The following BTBD16 variants were observed in gnomAD, a reference collection of about 807,000 sequenced individuals.
The protein encoded by BTBD16 is BTB/POZ domain-containing protein 16.
In BTBD16, 66 loss-of-function variants were observed where a neutral mutation model predicts 67.4. The ratio of observed to expected loss-of-function variants is 0.98; its 90% confidence interval spans 0.80 to 1.20. BTBD16 has a LOEUF of 1.20. Among genes scored for constraint, BTBD16 ranks in the 50% most tolerant of loss-of-function variants. The pLI is 0.00. For missense variants in BTBD16, 634 were observed against 616.0 expected (o/e 1.03, Z -0.31); for synonymous variants, 242 against 236.4 (o/e 1.02, Z -0.22).
chr10:122,289,848 C>G (rs1455995832), intron 5 of BTBD16, 61 bp from the exon 6 acceptor site: 1 of 1,273,794 alleles, frequency 7.9e-7, no homozygotes, highest in Non-Finnish European at 1.1e-6. Context: ...GTGGGTGCCT[C>G]CCACTGTGTC....
At chr10:122,322,145 T>G (rs2096436541) in intron 10 of BTBD16, among the ~76,000 whole-genome samples, 1 of 152,232 alleles carries the variant, frequency 6.6e-6, no homozygotes, top group Non-Finnish European at 1.5e-5. Context: ...ACCTTTTGAC[T>G]TGACACACCT....
chr10:122,297,195 C>T (rs2096384940), intron 7 of BTBD16, among the ~76,000 whole-genome samples: 1 of 152,194 alleles, frequency 6.6e-6, no homozygotes. Flanking sequence ...CCTCACTGGC[C>T]CATCAGTTTT....
chr10:122,338,017 A>G lies in BTBD16; in HGVS notation c.1453A>G (p.Thr485Ala). 2 of 1,609,974 alleles carry G rather than the reference A, an allele frequency of 1.2e-6. No individual in the cohort carries two copies. The highest frequency in any genetic ancestry group is 2.2e-5 in the East Asian group (1 of 44,832). ...CACTTTGTTTTTTTTCATGTTTTAG[A>G]CCTTGAAAATCCAAACTGTGGGCAT... ...GLTTSSCKSH[T>A]LKIQTVGIPI... Residue 485 changes from threonine to alanine, a missense_variant and splice_region_variant, in exon 16 of 16, where the codon ACC (threonine) becomes GCC (alanine). By Grantham distance (58) the Thr-to-Ala change is moderately conservative. Coordinates refer to ENST00000260723, the MANE Select transcript of BTBD16 (RefSeq NM_144587.5).
chr10:122,330,696 T>C (rs1294639928), intron 11 of BTBD16, among the ~76,000 whole-genome samples: 2 of 152,280 alleles, frequency 1.3e-5, no homozygotes, highest in Non-Finnish European at 2.9e-5. Flanking sequence ...TTTGGAAGTT[T>C]GTTTGTATAA....
intron 10 of BTBD16, among the ~76,000 whole-genome samples, chr10:122,328,042 C>T (rs926123970): frequency 1.3e-5 from 2 of 152,206 alleles, no homozygotes; most frequent in Non-Finnish European, 2.9e-5. Flanking sequence ...GGGAGGACGG[C>T]GTCAGCTTGG....
intron 3 of BTBD16, among the ~76,000 whole-genome samples, chr10:122,279,798 T>C (rs988030026): frequency 9.2e-5 from 14 of 152,276 alleles, no homozygotes; most frequent in Admixed American, 7.8e-4. Flanking sequence ...GTTCATGTCA[T>C]GGATGGTGTC....
intron 3 of BTBD16, among the ~76,000 whole-genome samples, chr10:122,278,243 AG>A (rs2096345020): frequency 6.6e-6 from 1 of 152,098 alleles, no homozygotes; most frequent in East Asian, 1.9e-4. Context: ...CAGTGGCCTG[AG>A]GGGTGGGGTG....
intron 10 of BTBD16, among the ~76,000 whole-genome samples, chr10:122,321,270 G>A (rs755449446): frequency 6.6e-6 from 1 of 152,150 alleles, no homozygotes; most frequent in Non-Finnish European, 1.5e-5. Context: ...GGACACCTAG[G>A]TTGATTCCAT....
chr10:122,279,511 AAC>A (rs143637448), intron 3 of BTBD16, among the ~76,000 whole-genome samples: 4,268 of 143,942 alleles, frequency 0.03, 204 homozygotes, highest in African/African-American at 0.1. Context: ...GAGAAAGAGA[AAC>A]ACACACACAC....
chr10:122,308,884 TG>T (rs2096408391), intron 10 of BTBD16, among the ~76,000 whole-genome samples: 1 of 152,144 alleles, frequency 6.6e-6, no homozygotes, highest in Non-Finnish European at 1.5e-5. Context: ...CTCCTTCACC[TG>T]GGGGTCTGCT....
At chr10:122,330,916 C>T (rs775533798) in intron 11 of BTBD16, among the ~76,000 whole-genome samples, 17 of 152,204 alleles carry the variant, frequency 1.1e-4, no homozygotes, top group Non-Finnish European at 1.8e-4. Context: ...GGTGGGGTTT[C>T]GCCATGTTGG....
intron 7 of BTBD16, chr10:122,294,168 G>A (rs1256352462): frequency 2.0e-6 from 2 of 985,338 alleles, no homozygotes; most frequent in African/African-American, 1.7e-5. Context: ...GTTGGGCTGG[G>A]TCTTGCCTGC....
intron 1 of BTBD16, among the ~76,000 whole-genome samples, chr10:122,273,221 GATATATATATATATAT>G (rs71715395): frequency 1.5e-5 from 2 of 129,470 alleles, no homozygotes; most frequent in African/African-American, 5.7e-5. Flanking sequence ...GCAACACAAA[GATATATATATATATAT>G]ATATATATAC....
intron 9 of BTBD16, among the ~76,000 whole-genome samples, chr10:122,304,838 C>T (rs995258700): frequency 1.3e-5 from 2 of 152,178 alleles, no homozygotes; most frequent in African/African-American, 4.8e-5. Flanking sequence ...CAGGTGTGAG[C>T]CACTGCGCCT....
rs775660683 is a variant in BTBD16 at position 122,283,963 on chromosome 10, C to G, written c.241+39C>G. ...ATCCATGGATTAAGCCAGAATGTTG[C>G]TGATTTCAGGGGCATCTTGTGGTCT... On this transcript the variant is annotated intron_variant, in intron 4 of 15. Transcript: ENST00000260723. The G allele has an allele frequency of 6.0e-6, 9 of 1,490,382 alleles. No homozygotes were observed. In the Admixed American group the frequency reaches 1.3e-4, roughly 22 times the overall value. 92.3% of individuals were successfully genotyped at this position (1,490,382 alleles called of 1,614,324 possible).
At chr10:122,333,255 G>T (rs577107821) in intron 13 of BTBD16, among the ~76,000 whole-genome samples, 1 of 152,298 alleles carries the variant, frequency 6.6e-6, no homozygotes, top group East Asian at 1.9e-4. Context: ...TAAGTGGGCA[G>T]ATGGAGATCA....
chr10:122,332,347 C>T (rs200008333), intron 12 of BTBD16, 89 bp from the exon 13 acceptor site: 2 of 1,210,918 alleles, frequency 1.7e-6, no homozygotes, highest in East Asian at 4.7e-5. Flanking sequence ...GTGAGGGGGG[C>T]AGGGGTCAAG....
chr10:122,274,932 C>A, intron 1 of BTBD16, 108 bp from the exon 2 acceptor site: 2 of 686,412 alleles, frequency 2.9e-6, no homozygotes, highest in Non-Finnish European at 5.1e-6. Context: ...ACATTCGAGG[C>A]TTATTCATTA....
At chr10:122,272,978 A>C (rs2096332248) in intron 1 of BTBD16, among the ~76,000 whole-genome samples, 1 of 152,096 alleles carries the variant, frequency 6.6e-6, no homozygotes, top group South Asian at 2.1e-4. Flanking sequence ...GTTCAAATTA[A>C]AGTAAGAATC....
Sources: allele counts gnomAD v4.1 joint callset (sites outside exome capture counted in the v4.1 genomes callset), GRCh38; gene constraint gnomAD v4.1.1; transcripts MANE v1.5; gene names NCBI Gene and HGNC (gene_info 2026-07-23, HGNC 2026-07-21).